RASEF: variants seen among roughly 807,000 people sequenced by gnomAD.
RASEF encodes ras and EF-hand domain-containing protein.
A neutral mutation model predicts 90.1 loss-of-function variants in RASEF; 68 were observed. That is an observed-to-expected ratio of 0.75 (90% CI 0.62 to 0.92). The LOEUF (loss-of-function observed/expected upper bound fraction) is 0.92, where lower values mean the gene tolerates loss of function less well. Among genes scored for constraint, RASEF ranks in the 40% least tolerant of loss-of-function variants. The pLI is 0.00. For missense variants in RASEF, 949 were observed against 937.2 expected (o/e 1.01, Z -0.16); for synonymous variants, 331 against 345.2 (o/e 0.96, Z 0.46).
At chr9:83,182,309 C>G in the RASEF span, among the ~76,000 whole-genome samples, 12 of 152,304 alleles carry the variant, frequency 7.9e-5, no homozygotes, top group South Asian at 2.1e-4. Context: ...CACCCTGACA[C>G]TGTCACAAAA....
At chr9:83,101,797 A>G in the RASEF span, among the ~76,000 whole-genome samples, 1 of 152,172 alleles carries the variant, frequency 6.6e-6, no homozygotes, top group Non-Finnish European at 1.5e-5. Context: ...ACTTTCATCA[A>G]TCAATCAATA....
the RASEF span, among the ~76,000 whole-genome samples, chr9:83,214,117 G>A: frequency 2.0e-5 from 3 of 152,222 alleles, no homozygotes; most frequent in East Asian, 1.9e-4. Context: ...TAATTAAGTC[G>A]GGCACAGTGG....
the RASEF span, among the ~76,000 whole-genome samples, chr9:83,129,089 C>A: frequency 6.6e-6 from 1 of 152,138 alleles, no homozygotes; most frequent in Non-Finnish European, 1.5e-5. Flanking sequence ...AAACTATATA[C>A]TCCTTTGTCA....
At chr9:83,167,018 G>A in the RASEF span, among the ~76,000 whole-genome samples, 8 of 152,276 alleles carry the variant, frequency 5.3e-5, no homozygotes, top group South Asian at 2.1e-4. Context: ...TAGGTTTGCC[G>A]TTTGCTAGCT....
chr9:83,001,103 C>G lies in RASEF; in HGVS notation c.1230G>C (p.Glu410Asp). 1 of 1,613,928 alleles carries G rather than the reference C, an allele frequency of 6.2e-7. No individual in the cohort carries two copies. Among genetic ancestry groups the G allele is most frequent in the Non-Finnish European group, 8.5e-7 (1 of 1,179,854 alleles). Residue 410 changes from glutamate (E) to aspartate (D), a missense_variant, in exon 10 of 17, where the codon GAG becomes GAC. This residue lies in a region of RASEF where 656 missense variants were observed against 592.2 expected (regional missense o/e 1.11). Coordinates refer to ENST00000376447, the MANE Select transcript of RASEF (RefSeq NM_152573.4). ...CACAGAGGGCCAGGGAGTCACAGTC[C>G]TCATCCACATAGGAAGAGCGGGATG... ...DRSSRSSYVD[E>D]DCDSLALCDP...
chr9:83,053,029 G>T (rs1403668747), intron 1 of RASEF, among the ~76,000 whole-genome samples: 14 of 84,750 alleles, frequency 1.7e-4, no homozygotes, highest in African/African-American at 8.2e-4. Flanking sequence ...TGTTGATTTG[G>T]GGTGGAGAGT....
At chr9:83,168,770 T>G in the RASEF span, among the ~76,000 whole-genome samples, 2 of 152,150 alleles carry the variant, frequency 1.3e-5, no homozygotes, top group African/African-American at 4.8e-5. Context: ...AGATATCACC[T>G]CACCCCAGTT....
At chr9:83,012,089 A>T (rs1317157973) in intron 5 of RASEF, among the ~76,000 whole-genome samples, 1 of 152,148 alleles carries the variant, frequency 6.6e-6, no homozygotes, top group Non-Finnish European at 1.5e-5. Flanking sequence ...GAAAAAAAAA[A>T]AACTTGGAGG....
At chr9:83,176,871 T>C in the RASEF span, among the ~76,000 whole-genome samples, 4 of 152,086 alleles carry the variant, frequency 2.6e-5, no homozygotes, top group African/African-American at 9.6e-5. Context: ...TTTATATACT[T>C]GTATGTCTTG....
At chr9:83,093,639 G>C in the RASEF span, among the ~76,000 whole-genome samples, 1 of 152,326 alleles carries the variant, frequency 6.6e-6, no homozygotes, top group African/African-American at 2.4e-5. Flanking sequence ...CGGAACTCCA[G>C]CTGGCCCGCA....
chr9:83,147,024 G>GTATATATATA, the RASEF span, among the ~76,000 whole-genome samples: 1 of 110,198 alleles, frequency 9.1e-6, no homozygotes, highest in Non-Finnish European at 1.9e-5. Context: ...GTGTGTGTGT[G>GTATATATATA]TGTGTATATA....
chr9:83,111,288 C>T, the RASEF span, among the ~76,000 whole-genome samples: 2,048 of 152,248 alleles, frequency 0.013, 24 homozygotes, highest in Non-Finnish European at 0.019. Flanking sequence ...GCTGACAAGA[C>T]ATCAATTCTT....
chr9:83,208,810 C>T, the RASEF span, among the ~76,000 whole-genome samples: 46 of 152,210 alleles, frequency 3.0e-4, no homozygotes, highest in African/African-American at 1.1e-3. Flanking sequence ...GGGTACCAGA[C>T]TGGTCTCTGA....
chr9:83,007,161 T>C (rs1406617059), intron 7 of RASEF, among the ~76,000 whole-genome samples: 1 of 151,980 alleles, frequency 6.6e-6, no homozygotes, highest in Non-Finnish European at 1.5e-5. Context: ...CATTTTTCTT[T>C]ATAGAGGCAT....
At chr9:83,014,773 A>G (rs1829313752) in intron 4 of RASEF, among the ~76,000 whole-genome samples, 1 of 152,188 alleles carries the variant, frequency 6.6e-6, no homozygotes, top group African/African-American at 2.4e-5. Context: ...TCTCTTCTCA[A>G]CCTTAAATTC....
the RASEF span, among the ~76,000 whole-genome samples, chr9:83,153,774 A>C: frequency 6.6e-6 from 1 of 152,220 alleles, no homozygotes; most frequent in Non-Finnish European, 1.5e-5. Flanking sequence ...ATAAAACTCC[A>C]CAAGCTTCGC....
chr9:83,189,969 C>T, the RASEF span, among the ~76,000 whole-genome samples: 1 of 152,192 alleles, frequency 6.6e-6, no homozygotes, highest in Non-Finnish European at 1.5e-5. Flanking sequence ...TTCTCTCACT[C>T]TGGAGTGGCC....
At chr9:83,028,375 C>T (rs1829583955) in intron 1 of RASEF, among the ~76,000 whole-genome samples, 1 of 152,204 alleles carries the variant, frequency 6.6e-6, no homozygotes. Context: ...GGGCAGGCCA[C>T]TCCAGGAACC....
At chr9:83,125,069 T>C in the RASEF span, among the ~76,000 whole-genome samples, 1 of 152,208 alleles carries the variant, frequency 6.6e-6, no homozygotes, top group East Asian at 1.9e-4. Flanking sequence ...CTTCAGCAAA[T>C]TGGCAAATTC....
Sources: gnomAD v4.1 joint callset for allele counts (sites outside exome capture counted in the v4.1 genomes callset) on GRCh38, gnomAD v4.1.1 for gene constraint, gnomAD v4.1.1 regional missense constraint, MANE v1.5 for transcripts, NCBI Gene and HGNC (gene_info 2026-07-23, HGNC 2026-07-21) for gene names.